PACRG: variants seen among roughly 807,000 people sequenced by gnomAD.
PACRG encodes parkin coregulated.
PACRG carries 29 observed loss-of-function variants against 29.7 expected under a neutral mutation model. That is an observed-to-expected ratio of 0.98 (90% confidence interval 0.73 to 1.33). PACRG has a LOEUF of 1.33. PACRG is among the 40% of genes most tolerant of loss of function. The pLI, the probability that PACRG is intolerant of heterozygous loss-of-function variation, is 0.00. For missense variants in PACRG, 279 were observed against 316.2 expected (o/e 0.88, Z 0.89); for synonymous variants, 116 against 118.7 (o/e 0.98, Z 0.15).
rs1301893019 is a variant in PACRG, at chr6:162,988,085, A to T, written c.292-74065A>T. Reference sequence around the variant, plus strand: ...GCCATTTCTTTCAAGGGATCTGTGAATTCTTTTGGTTTTCCTGGTACATTC... The same window carrying T: ...GCCATTTCTTTCAAGGGATCTGTGATTTCTTTTGGTTTTCCTGGTACATTC... On this transcript the variant is annotated intron_variant, in intron 2 of 4. Transcript: ENST00000366888. Among the ~76,000 whole-genome samples, 5 of 152,236 alleles carry T rather than the reference A, an allele frequency of 3.3e-5. No homozygotes were observed. In the East Asian group the frequency reaches 5.8e-4, roughly 18 times the overall value.
intron 2 of PACRG, among the ~76,000 whole-genome samples, chr6:162,944,738 A>G (rs1012952958): frequency 4.6e-5 from 7 of 152,118 alleles, no homozygotes; most frequent in Admixed American, 3.3e-4. Flanking sequence ...AACAATTTCA[A>G]AATCGGGAGA....
intron 2 of PACRG, among the ~76,000 whole-genome samples, chr6:162,883,683 A>C (rs1250568484): frequency 2.3e-5 from 2 of 86,948 alleles, no homozygotes; most frequent in African/African-American, 9.4e-5. Flanking sequence ...TTTTTCAAAA[A>C]CTGTGTGTGT....
At chr6:163,064,734 G>A (rs766436678) in intron 3 of PACRG, among the ~76,000 whole-genome samples, 7 of 152,058 alleles carry the variant, frequency 4.6e-5, no homozygotes, top group African/African-American at 1.2e-4. Context: ...TTGACATAAC[G>A]TATAACATCT....
At chr6:163,288,753 A>G (rs1418722441) in intron 4 of PACRG, among the ~76,000 whole-genome samples, 5 of 152,186 alleles carry the variant, frequency 3.3e-5, no homozygotes, top group African/African-American at 9.7e-5. Flanking sequence ...GGCTTTCCCA[A>G]TTACCTTCCC....
At chr6:162,918,136 G>A (rs949696880) in intron 2 of PACRG, among the ~76,000 whole-genome samples, 2 of 152,184 alleles carry the variant, frequency 1.3e-5, no homozygotes, top group East Asian at 1.9e-4. Context: ...TTTTCTCCTC[G>A]TTGTAGAAGG....
chr6:162,923,925 T>A (rs2128097578), intron 2 of PACRG, among the ~76,000 whole-genome samples: 1 of 152,240 alleles, frequency 6.6e-6, no homozygotes, highest in Non-Finnish European at 1.5e-5. Flanking sequence ...AGAATGCCAT[T>A]GGTATTTTGA....
At chr6:163,000,774 G>A (rs1804519063) in intron 2 of PACRG, among the ~76,000 whole-genome samples, 1 of 152,198 alleles carries the variant, frequency 6.6e-6, no homozygotes, top group Non-Finnish European at 1.5e-5. Context: ...TATGCTGCAG[G>A]CTCTGTGTTA....
chr6:163,071,700 G>GGA (rs139292806), intron 3 of PACRG, among the ~76,000 whole-genome samples: 1 of 140,784 alleles, frequency 7.1e-6, no homozygotes, highest in African/African-American at 2.6e-5. Context: ...ATCTAAGTTA[G>GGA]AAAAAAAAAA....
chr6:162,805,065 A>G (rs183274612), intron 1 of PACRG, among the ~76,000 whole-genome samples: 4 of 152,336 alleles, frequency 2.6e-5, no homozygotes, highest in Admixed American at 2.6e-4. Flanking sequence ...TCTTAAACAT[A>G]TCTAAAGATA....
At chr6:162,963,688 T>C (rs1311513095) in intron 2 of PACRG, among the ~76,000 whole-genome samples, 3 of 150,750 alleles carry the variant, frequency 2.0e-5, no homozygotes, top group African/African-American at 7.3e-5. Flanking sequence ...CATATACTTT[T>C]ATAAATTTAT....
chr6:163,122,692 CT>C, intron 4 of PACRG, among the ~76,000 whole-genome samples: 1 of 152,206 alleles, frequency 6.6e-6, no homozygotes, highest in Non-Finnish European at 1.5e-5. Flanking sequence ...CAAAAAACCC[CT>C]TTCCTTCATA....
chr6:163,281,723 A>C (rs1220172638), intron 4 of PACRG, among the ~76,000 whole-genome samples: 1 of 152,190 alleles, frequency 6.6e-6, no homozygotes, highest in Non-Finnish European at 1.5e-5. Flanking sequence ...GAATCCATAG[A>C]GTAATAATAT....
intron 2 of PACRG, among the ~76,000 whole-genome samples, chr6:162,929,752 TG>T (rs1485898925): frequency 6.6e-6 from 1 of 152,076 alleles, no homozygotes; most frequent in Non-Finnish European, 1.5e-5. Flanking sequence ...ATTTGATTTT[TG>T]TAGATGGTGA....
chr6:163,269,898 G>GAAAGAAAAC lies in PACRG; in HGVS notation c.614-44922_614-44921insACAAAGAAA, dbSNP rs1783704408. On this transcript the variant is annotated intron_variant, in intron 4 of 4. Transcript: ENST00000366888. ...GAAAGAAAGAAAGAAAGAAAACAAA[G>GAAAGAAAAC]AAAGAAAGAAAGAAAGAAAGAAAGA... Among the ~76,000 whole-genome samples, 8 of 49,324 alleles carry GAAAGAAAAC rather than the reference G, an allele frequency of 1.6e-4. 1 individual carries two copies. The highest frequency in any genetic ancestry group is 7.0e-4 in the South Asian group (1 of 1,422). 32.4% of individuals were successfully genotyped at this position (49,324 alleles called of 152,430 possible).
intron 2 of PACRG, among the ~76,000 whole-genome samples, chr6:162,881,494 T>C (rs1432525269): frequency 1.3e-5 from 2 of 152,130 alleles, no homozygotes; most frequent in African/African-American, 2.4e-5. Flanking sequence ...TTTCCAATCA[T>C]CATGTTCAAG....
At chr6:162,802,490 G>T (rs1284193916) in intron 1 of PACRG, among the ~76,000 whole-genome samples, 1 of 152,116 alleles carries the variant, frequency 6.6e-6, no homozygotes, top group Non-Finnish European at 1.5e-5. Flanking sequence ...TCCATAAGTG[G>T]TTATATAATT....
intron 4 of PACRG, among the ~76,000 whole-genome samples, chr6:163,227,024 A>T (rs1445005276): frequency 2.0e-5 from 3 of 152,208 alleles, no homozygotes; most frequent in African/African-American, 7.2e-5. Context: ...GGTAAACCAC[A>T]TAAGATTCCA....
intron 2 of PACRG, among the ~76,000 whole-genome samples, chr6:162,966,477 A>ATTTTTTT (rs67914954): frequency 8.0e-6 from 1 of 125,202 alleles, no homozygotes; most frequent in African/African-American, 2.9e-5. Flanking sequence ...AATGACATGT[A>ATTTTTTT]TTTTTTTTTT....
intron 4 of PACRG, among the ~76,000 whole-genome samples, chr6:163,249,074 C>T (rs1782805639): frequency 6.8e-6 from 1 of 147,614 alleles, no homozygotes; most frequent in Non-Finnish European, 1.5e-5. Context: ...CTTAATGAAA[C>T]CAATAGAAAG....
Sources: allele counts gnomAD v4.1 joint callset (sites outside exome capture counted in the v4.1 genomes callset), GRCh38; gene constraint gnomAD v4.1.1; transcripts MANE v1.5; gene names NCBI Gene and HGNC (gene_info 2026-07-23, HGNC 2026-07-21).